The following ATP10A variants were observed in gnomAD, a reference collection of about 807,000 sequenced individuals.
ATP10A encodes phospholipid-transporting ATPase VA.
A neutral mutation model predicts 147.8 loss-of-function variants in ATP10A; 111 were observed. The observed-to-expected ratio is 0.75, with a 90% CI of 0.64 to 0.88. The LOEUF is 0.88. Ranked by LOEUF, ATP10A falls within the 40% of genes least tolerant of loss-of-function variation. The probability of loss-of-function intolerance (pLI) is 0.00; values close to 1 mark genes in which losing one functional copy is unlikely to be tolerated. For synonymous variants in ATP10A, 875 were observed against 841.6 expected (o/e 1.04, Z -0.69); for missense variants, 1,927 against 1,959.0 (o/e 0.98, Z 0.31).
intron 1 of ATP10A, among the ~76,000 whole-genome samples, chr15:25,807,027 C>A (rs1170883980): frequency 6.6e-6 from 1 of 152,214 alleles, no homozygotes; most frequent in East Asian, 1.9e-4. Context: ...GGGGCATCCA[C>A]CGGGCTGGAA....
chr15:25,716,270 C>T (rs576727112), intron 9 of ATP10A, among the ~76,000 whole-genome samples: 1 of 152,200 alleles, frequency 6.6e-6, no homozygotes, highest in Non-Finnish European at 1.5e-5. Context: ...AGAAGCTGGG[C>T]CCCCGGCCTG....
At chr15:25,808,599 G>A (rs183360280) in intron 1 of ATP10A, among the ~76,000 whole-genome samples, 7 of 152,294 alleles carry the variant, frequency 4.6e-5, no homozygotes, top group African/African-American at 1.7e-4. Flanking sequence ...GGTCAGGATG[G>A]TCTCGAACTC....
chr15:25,781,843 G>A (rs551303674), intron 1 of ATP10A, among the ~76,000 whole-genome samples: 110 of 152,176 alleles, frequency 7.2e-4, no homozygotes, highest in Admixed American at 1.4e-3. Context: ...ACAGCTTAAC[G>A]GCAAGAGGCT....
At chr15:25,721,468 C>A (rs1176793237) in intron 7 of ATP10A, among the ~76,000 whole-genome samples, 189 bp downstream of exon 7, 1 of 152,036 alleles carries the variant, frequency 6.6e-6, no homozygotes, top group East Asian at 1.9e-4. Context: ...CTATAAATAG[C>A]ACCGGGCTTC....
chr15:25,719,168 G>A (rs1009252569), intron 7 of ATP10A, among the ~76,000 whole-genome samples: 1 of 152,234 alleles, frequency 6.6e-6, no homozygotes, highest in East Asian at 1.9e-4. Flanking sequence ...CAGAACAACC[G>A]TTTAATCAGA....
At chr15:25,822,948 T>C (rs937238016) in intron 1 of ATP10A, among the ~76,000 whole-genome samples, 1 of 152,182 alleles carries the variant, frequency 6.6e-6, no homozygotes. Flanking sequence ...CTTCACTAAA[T>C]TGTGAGTCAT....
chr15:25,796,272 G>C (rs1378952843), intron 1 of ATP10A, among the ~76,000 whole-genome samples: 1 of 152,118 alleles, frequency 6.6e-6, no homozygotes, highest in Non-Finnish European at 1.5e-5. Flanking sequence ...AGGTGTGGTG[G>C]TGTACCCCTG....
At chr15:25,731,113 C>T (rs1902958530) in intron 3 of ATP10A, among the ~76,000 whole-genome samples, 1 of 152,204 alleles carries the variant, frequency 6.6e-6, no homozygotes, top group Non-Finnish European at 1.5e-5. Context: ...TGAAGGGTGT[C>T]ACCCACCAGG....
At chr15:25,728,020 G>A (rs548372800) in intron 3 of ATP10A, among the ~76,000 whole-genome samples, 1 of 152,174 alleles carries the variant, frequency 6.6e-6, no homozygotes, top group Non-Finnish European at 1.5e-5. Flanking sequence ...GCCTGCTGTG[G>A]TTCCAGGTTT....
chr15:25,856,947 T>C (rs1893543756), intron 1 of ATP10A, among the ~76,000 whole-genome samples: 1 of 152,130 alleles, frequency 6.6e-6, no homozygotes. Context: ...ACCCAATTTC[T>C]TCAAAATAAA....
chr15:25,681,881 G>A (rs560292783), intron 17 of ATP10A, among the ~76,000 whole-genome samples: 18 of 152,124 alleles, frequency 1.2e-4, no homozygotes, highest in African/African-American at 3.9e-4. Context: ...GTGAAACCCC[G>A]TCTCTACTAA....
intron 2 of ATP10A, among the ~76,000 whole-genome samples, chr15:25,750,820 C>A (rs1019621835): frequency 1.3e-5 from 2 of 151,802 alleles, no homozygotes; most frequent in East Asian, 3.9e-4. Context: ...GAAATAATAT[C>A]ACTGAAAGGA....
intron 1 of ATP10A, among the ~76,000 whole-genome samples, chr15:25,829,337 C>T (rs1892255367): frequency 6.6e-6 from 1 of 152,114 alleles, no homozygotes; most frequent in African/African-American, 2.4e-5. Flanking sequence ...TTCCCCTGAA[C>T]TTAGGCTAAG....
intron 1 of ATP10A, among the ~76,000 whole-genome samples, chr15:25,831,576 T>C (rs1160971502): frequency 1.6e-4 from 24 of 152,176 alleles, no homozygotes; most frequent in Admixed American, 1.6e-3. Flanking sequence ...CTAAATACCA[T>C]ATGGATCGAT....
At position 25,862,763 on chromosome 15, in the gene ATP10A, G is replaced by A. The variant is rs750046050; in HGVS notation, c.334C>T (p.Leu112=). The A allele has an allele frequency of 1.4e-5, 22 of 1,611,674 alleles. No homozygotes were observed. The highest frequency in any genetic ancestry group is 1.9e-5 in the Non-Finnish European group (22 of 1,178,986). ...AVNAFQPGLA[L]APVLFILAIT... is the part of the protein sequence containing the mutation. ...GCCAGGATGAAGAGCACCGGCGCCA[G>A]TGCCAGGCCGGGCTGGAAGGCGTTC... The change falls in exon 1 of 21, where the codon CTG becomes TTG. Residue 112 remains leucine, a synonymous_variant. Transcript: ENST00000555815.
At chr15:25,797,123 C>T (rs1219560952) in intron 1 of ATP10A, among the ~76,000 whole-genome samples, 1 of 152,068 alleles carries the variant, frequency 6.6e-6, no homozygotes, top group African/African-American at 2.4e-5. Context: ...CCAAAATCCC[C>T]CCAAGTCCCT....
At chr15:25,795,997 C>T (rs1217552349) in intron 1 of ATP10A, among the ~76,000 whole-genome samples, 1 of 152,236 alleles carries the variant, frequency 6.6e-6, no homozygotes, top group African/African-American at 2.4e-5. Context: ...GCAGCTGAGG[C>T]TCTCACCAGA....
In ATP10A at chr15:25,855,541, AACAC is replaced by A. The variant is rs59597825; in HGVS notation, c.449+7103_449+7106del. On this transcript the variant is annotated intron_variant, in intron 1 of 20. Coordinates refer to ENST00000555815, the MANE Select transcript of ATP10A (RefSeq NM_024490.4). ...AGCTTGAAATCTCAGTATTGGTTAA[AACAC>A]ACACACACACACACACACACACACA... 2.7e-4 allele frequency among the ~76,000 whole-genome samples: 39 copies of A among 146,102 alleles called. No individual in the cohort carries two copies. The South Asian group carries it at 3.6e-3, about 14-fold the overall frequency.
At chr15:25,685,824 TA>T (rs34929669) in intron 16 of ATP10A, among the ~76,000 whole-genome samples, 23,781 of 139,234 alleles carry the variant, frequency 0.17, 2,659 homozygotes, top group African/African-American at 0.32. Context: ...ACCCTGTCTT[TA>T]AAAAAAAAAA....
Sources: gnomAD v4.1 joint callset for allele counts (sites outside exome capture counted in the v4.1 genomes callset) on GRCh38, gnomAD v4.1.1 for gene constraint, MANE v1.5 for transcripts, NCBI Gene and HGNC (gene_info 2026-07-23, HGNC 2026-07-21) for gene names.